RPTOR: variants seen among roughly 807,000 people sequenced by gnomAD.
The protein encoded by RPTOR is regulatory associated protein of MTOR complex 1.
A neutral mutation model predicts 169.9 loss-of-function variants in RPTOR; 21 were observed. That is an observed-to-expected ratio of 0.12 (90% CI 0.09 to 0.18). RPTOR has a LOEUF of 0.18. Among genes scored for constraint, RPTOR ranks in the 10% least tolerant of loss-of-function variants. RPTOR has a pLI of 1.00. For missense variants in RPTOR, 1,133 were observed against 1,855.9 expected, an observed-to-expected ratio of 0.61 and a Z score of 7.16; for synonymous variants, 732 against 753.2, an observed-to-expected ratio of 0.97 and a Z score of 0.46.
intron 20 of RPTOR, among the ~76,000 whole-genome samples, chr17:80,894,698 A>G (rs1206941883): frequency 6.6e-6 from 1 of 152,052 alleles, no homozygotes. Flanking sequence ...CTTCATTTGA[A>G]TTTTTTTCAT....
At chr17:80,950,153 A>G (rs1468035) in intron 28 of RPTOR, among the ~76,000 whole-genome samples, 78,817 of 152,118 alleles carry the variant, frequency 0.52, 21,619 homozygotes, top group African/African-American at 0.7. Context: ...TTCTGGGTCT[A>G]GATTTCCAGA....
At chr17:80,673,570 C>T (rs1453055400) in intron 3 of RPTOR, among the ~76,000 whole-genome samples, 3 of 152,206 alleles carry the variant, frequency 2.0e-5, no homozygotes, top group African/African-American at 7.2e-5. Context: ...TCTCAAAGAG[C>T]GGTTGCCGTG....
chr17:80,830,148 G>T, intron 9 of RPTOR, among the ~76,000 whole-genome samples: 1 of 152,168 alleles, frequency 6.6e-6, no homozygotes. Flanking sequence ...CACGCTATAG[G>T]TGTACACAGA....
At chr17:80,906,451 G>C (rs933153266) in intron 20 of RPTOR, among the ~76,000 whole-genome samples, 1 of 152,226 alleles carries the variant, frequency 6.6e-6, no homozygotes, top group Non-Finnish European at 1.5e-5. Flanking sequence ...CGGTTGAGCA[G>C]AAGGTGCATC....
At chr17:80,951,242 C>G (rs1398012684) in intron 28 of RPTOR, among the ~76,000 whole-genome samples, 2 of 152,190 alleles carry the variant, frequency 1.3e-5, no homozygotes, top group Non-Finnish European at 1.5e-5. Context: ...CACATCCACA[C>G]CGGGCCACGC....
At chr17:80,955,083 A>G (rs1345502782) in intron 28 of RPTOR, among the ~76,000 whole-genome samples, 1 of 152,250 alleles carries the variant, frequency 6.6e-6, no homozygotes, top group Non-Finnish European at 1.5e-5. Context: ...ATAGCCATGG[A>G]TGAAAAGACT....
At chr17:80,909,040 A>C (rs1468030) in intron 21 of RPTOR, 111 bp downstream of exon 21, 1 of 740,158 alleles carries the variant, frequency 1.4e-6, no homozygotes, top group African/African-American at 1.7e-5. Context: ...AGAAAGTAAC[A>C]AAACGAGCTT....
chr17:80,718,389 G>A (rs866457776), intron 4 of RPTOR, among the ~76,000 whole-genome samples: 1 of 152,190 alleles, frequency 6.6e-6, no homozygotes, highest in Non-Finnish European at 1.5e-5. Context: ...ACATAAAATG[G>A]ATCTTATCAT....
At chr17:80,683,083 C>T (rs149315087) in intron 3 of RPTOR, among the ~76,000 whole-genome samples, 36 of 152,288 alleles carry the variant, frequency 2.4e-4, no homozygotes, top group African/African-American at 8.4e-4. Flanking sequence ...ATTACAGGCG[C>T]GAGCCAAGCG....
chr17:80,948,098 C>T (rs937807759), intron 27 of RPTOR, among the ~76,000 whole-genome samples: 6 of 152,324 alleles, frequency 3.9e-5, no homozygotes, highest in East Asian at 1.9e-4. Context: ...GACTAGAGAG[C>T]GCTGGGCGGG....
At chr17:80,907,957 C>A (rs1437693058) in intron 20 of RPTOR, among the ~76,000 whole-genome samples, 1 of 152,196 alleles carries the variant, frequency 6.6e-6, no homozygotes, top group Non-Finnish European at 1.5e-5. Flanking sequence ...CGCACGCTGT[C>A]GTGGACGTAG....
intron 3 of RPTOR, among the ~76,000 whole-genome samples, chr17:80,706,432 C>G (rs1477326783): frequency 6.6e-6 from 1 of 152,226 alleles, no homozygotes; most frequent in Admixed American, 6.5e-5. Context: ...CCAGGTCTGT[C>G]TCCTCCTTGG....
intron 21 of RPTOR, among the ~76,000 whole-genome samples, chr17:80,918,442 C>CATAGCCACGAGCACCCTCGCG (rs1567986013): frequency 2.7e-5 from 2 of 75,110 alleles, no homozygotes; most frequent in African/African-American, 1.1e-4. Context: ...GCACCCTCGC[C>CATAGCCACGAGCACCCTCGCG]GGAGTCATAG....
chr17:80,919,702 C>T (rs762577530), intron 21 of RPTOR, among the ~76,000 whole-genome samples: 1 of 152,200 alleles, frequency 6.6e-6, no homozygotes, highest in African/African-American at 2.4e-5. Flanking sequence ...TGTTCATGTG[C>T]GCACTGGCCC....
Position 80,893,824 on chromosome 17 carries a change from T to TGC in RPTOR, c.2363_2364dup (p.Arg789AlafsTer44). On this transcript the variant is annotated frameshift_variant, in exon 20 of 34. Coordinates refer to ENST00000306801, the MANE Select transcript of RPTOR (RefSeq NM_020761.3). LOFTEE classifies it high-confidence loss of function. Reference sequence around the variant, plus strand: ...CTGTCCTTCGAGACCATCGACAAGATGCGCCGCGCCAGCTCCTACTCCTCC... The same window carrying TGC: ...CTGTCCTTCGAGACCATCGACAAGATGCGCGCCGCGCCAGCTCCTACTCCTCC... 6.5e-7 allele frequency: 1 copy of TGC among 1,539,802 alleles called. No homozygotes were observed.
rs1555612016 is a variant in RPTOR at position 80,728,446 on chromosome 17, G to GGGGTGTGTGTGTGTGTGTGTGTGT, written c.508-2113_508-2112insGGTGTGTGTGTGTGTGTGTGTGTG. On this transcript the variant is annotated intron_variant, in intron 4 of 33. Coordinates refer to ENST00000306801, the MANE Select transcript of RPTOR (RefSeq NM_020761.3). ...CATTTAGGTTTTCAGTCCACTCTGG[G>GGGGTGTGTGTGTGTGTGTGTGTGT]GTGTGTGTGTGTGTGTGTGTGTGTG... Among the ~76,000 whole-genome samples the GGGGTGTGTGTGTGTGTGTGTGTGT allele has an allele frequency of 6.7e-5, 10 of 148,280 alleles. No homozygotes were observed. In the South Asian group the frequency reaches 1.3e-3, roughly 19 times the overall value.
chr17:80,566,848 A>T (rs1356614725), intron 1 of RPTOR, among the ~76,000 whole-genome samples: 1 of 134,306 alleles, frequency 7.4e-6, no homozygotes, highest in Non-Finnish European at 1.6e-5. Flanking sequence ...AAAAAAAAAA[A>T]AAAAGAATGT....
chr17:80,767,317 G>A (rs551723901), intron 6 of RPTOR, among the ~76,000 whole-genome samples: 1 of 152,296 alleles, frequency 6.6e-6, no homozygotes, highest in African/African-American at 2.4e-5. Flanking sequence ...AGTGAGCAGT[G>A]CAGTGATCAC....
rs1025230653 is a variant in RPTOR, at chr17:80,651,461, G to A, written c.348+7651G>A. On this transcript the variant is annotated intron_variant, in intron 3 of 33. Transcript: ENST00000306801. The surrounding 1 kb of genome is among the most constrained non-coding windows in gnomAD (Gnocchi z 4.1). ...GTCACAGTGGTGTTCATGAATTTGG[G>A]TGTTCACAAGGGCTTCTGTACAGCT... is the stretch of plus-strand genomic sequence containing the variant. Among the ~76,000 whole-genome samples, 2 of 152,198 alleles carry A rather than the reference G, an allele frequency of 1.3e-5. No homozygotes were observed. Among genetic ancestry groups the A allele is most frequent in the Admixed American group, 6.5e-5 (1 of 15,282 alleles).
Sources: allele counts gnomAD v4.1 joint callset (sites outside exome capture counted in the v4.1 genomes callset), GRCh38; gene constraint gnomAD v4.1.1; non-coding constraint Gnocchi (gnomAD v3.1); transcripts MANE v1.5; gene names NCBI Gene and HGNC (gene_info 2026-07-23, HGNC 2026-07-21).